The following SYNDIG1 variants were observed in gnomAD, a reference collection of about 807,000 sequenced individuals.
SYNDIG1 encodes synapse differentiation-inducing gene protein 1.
A neutral mutation model predicts 19.4 loss-of-function variants in SYNDIG1; 9 were observed. That is an observed-to-expected ratio of 0.46 (90% CI 0.28 to 0.81). The LOEUF (loss-of-function observed/expected upper bound fraction) is 0.81. Ranked by LOEUF, SYNDIG1 falls within the 30% of genes least tolerant of loss-of-function variation. The probability of loss-of-function intolerance (pLI) is 0.12; values close to 1 mark genes in which losing one functional copy is unlikely to be tolerated. For synonymous variants in SYNDIG1, 141 were observed against 145.9 expected, an observed-to-expected ratio of 0.97 and a Z score of 0.24; for missense variants, 311 against 343.3, an observed-to-expected ratio of 0.91 and a Z score of 0.74.
intron 3 of SYNDIG1, among the ~76,000 whole-genome samples, chr20:24,612,095 G>A (rs754565322): frequency 6.6e-5 from 10 of 152,212 alleles, no homozygotes; most frequent in Admixed American, 2.0e-4. Flanking sequence ...AAGGTTCTGC[G>A]TGATTAGAGG....
Position 24,658,945 on chromosome 20 carries a change from G to A in SYNDIG1, c.619-6401G>A, listed in dbSNP as rs150867784. Reference sequence around the variant, plus strand: ...TGTAGACGCAGCAAGTGGCACAGCCGAGCAGCATCTCCATCCCCAGGAGCT... The same window carrying A: ...TGTAGACGCAGCAAGTGGCACAGCCAAGCAGCATCTCCATCCCCAGGAGCT... On this transcript the variant is annotated intron_variant, in intron 3 of 3. Coordinates refer to ENST00000376862, the MANE Select transcript of SYNDIG1 (RefSeq NM_024893.3). This position sits in a 1 kb window ranked among gnomAD's most constrained non-coding sequence, Gnocchi z 4.4. Among the ~76,000 whole-genome samples, 7 of 152,106 alleles carry A rather than the reference G, an allele frequency of 4.6e-5. No homozygotes were observed. Among genetic ancestry groups the A allele is most frequent in the Admixed American group, 2.0e-4 (3 of 15,294 alleles).
At chr20:24,625,384 A>T (rs943441425) in intron 3 of SYNDIG1, among the ~76,000 whole-genome samples, 26 of 115,264 alleles carry the variant, frequency 2.3e-4, no homozygotes, top group Admixed American at 1.2e-3. Context: ...TGCCTGGGAC[A>T]TTTTTTTTTT....
chr20:24,487,914 T>C (rs1600407506), intron 1 of SYNDIG1, among the ~76,000 whole-genome samples: 1 of 152,290 alleles, frequency 6.6e-6, no homozygotes, highest in East Asian at 1.9e-4. Flanking sequence ...AGCCAGCAGC[T>C]GTCCAAACAT....
rs548640568 is a variant in SYNDIG1 at position 24,513,413 on chromosome 20, T to G, written c.-78-29607T>G. 3.6e-4 allele frequency among the ~76,000 whole-genome samples: 55 copies of G among 152,114 alleles called. 1 individual carries two copies. Among genetic ancestry groups the G allele is most frequent in the South Asian group, 3.1e-3 (15 of 4,802 alleles). The stretch of plus-strand genomic sequence containing the variant: ...CTGAATGGCTAACTAGAATAACCAG[T>G]GTAGAGAAGCCCTTAAATGACCTGA... On this transcript the variant is annotated intron_variant, in intron 1 of 3. Coordinates refer to ENST00000376862, the MANE Select transcript of SYNDIG1 (RefSeq NM_024893.3).
At chr20:24,556,738 A>G (rs2057828304) in intron 2 of SYNDIG1, among the ~76,000 whole-genome samples, 1 of 151,920 alleles carries the variant, frequency 6.6e-6, no homozygotes, top group South Asian at 2.1e-4. Flanking sequence ...TGCCCTTAAC[A>G]TTTTTTCCTT....
At chr20:24,508,218 ATTTTTTTTTTT>A (rs34436263) in intron 1 of SYNDIG1, among the ~76,000 whole-genome samples, 10 of 73,236 alleles carry the variant, frequency 1.4e-4, no homozygotes, top group African/African-American at 3.6e-4. Flanking sequence ...AAGGAGGATA[ATTTTTTTTTTT>A]TTTTTTTTTT....
chr20:24,550,512 CTT>C (rs10597680), intron 2 of SYNDIG1, among the ~76,000 whole-genome samples: 83,415 of 139,668 alleles, frequency 0.6, 24,672 homozygotes, highest in African/African-American at 0.71. Context: ...ACGTTAACTG[CTT>C]TTTTTTTTTT....
chr20:24,623,846 AG>A (rs1246539736), intron 3 of SYNDIG1, among the ~76,000 whole-genome samples: 1 of 152,204 alleles, frequency 6.6e-6, no homozygotes, highest in Non-Finnish European at 1.5e-5. Context: ...TCTGAAAAAG[AG>A]GGGGAAAAAA....
At chr20:24,490,344 C>T (rs549357475) in intron 1 of SYNDIG1, among the ~76,000 whole-genome samples, 10 of 152,262 alleles carry the variant, frequency 6.6e-5, no homozygotes, top group African/African-American at 2.4e-4. Flanking sequence ...GCCTATGAGC[C>T]CATGAGGATG....
intron 2 of SYNDIG1, among the ~76,000 whole-genome samples, chr20:24,551,450 A>G (rs574358391): frequency 2.0e-5 from 3 of 151,672 alleles, no homozygotes; most frequent in African/African-American, 7.3e-5. Flanking sequence ...GGTTCCATTG[A>G]TTTTTCTCTC....
intron 2 of SYNDIG1, 21 bp from the exon 3 acceptor site, chr20:24,584,835 C>T (rs2058387691): frequency 6.2e-7 from 1 of 1,614,042 alleles, no homozygotes; most frequent in Middle Eastern, 1.6e-4. Context: ...CCTGTCCTGT[C>T]CTGCTGGTTC....
chr20:24,474,825 C>T (rs531995479), intron 1 of SYNDIG1, among the ~76,000 whole-genome samples: 1 of 152,342 alleles, frequency 6.6e-6, no homozygotes, highest in East Asian at 1.9e-4. Context: ...CCCGCTTTCA[C>T]ACGTTACCTC....
rs533057711 is a variant in SYNDIG1 at position 24,493,569 on chromosome 20, A to T, written c.-79+23816A>T. The stretch of plus-strand genomic sequence containing the variant: ...ATTTGTTTTAACTACATCTTCCCCA[A>T]TATTAAATATCCTTGAAGGTTTTGA... On this transcript the variant is annotated intron_variant, in intron 1 of 3. Transcript: ENST00000376862. 2.1e-3 allele frequency among the ~76,000 whole-genome samples: 319 copies of T among 152,354 alleles called. 1 individual carries two copies. The highest frequency in any genetic ancestry group is 1.4e-3 in the Non-Finnish European group (97 of 68,038).
At chr20:24,547,862 G>T (rs1335621193) in intron 2 of SYNDIG1, among the ~76,000 whole-genome samples, 5 of 152,190 alleles carry the variant, frequency 3.3e-5, no homozygotes, top group African/African-American at 1.2e-4. Flanking sequence ...TGGAGTCCAG[G>T]TGCAGAGGCC....
intron 1 of SYNDIG1, among the ~76,000 whole-genome samples, chr20:24,516,212 C>G (rs1045419946): frequency 6.6e-6 from 1 of 152,010 alleles, no homozygotes; most frequent in Non-Finnish European, 1.5e-5. Flanking sequence ...AATGCTAGAC[C>G]GAAAACCATA....
chr20:24,507,273 G>A (rs2056616463), intron 1 of SYNDIG1, among the ~76,000 whole-genome samples: 1 of 152,252 alleles, frequency 6.6e-6, no homozygotes, highest in Non-Finnish European at 1.5e-5. Context: ...CTGCCTGCTG[G>A]CCAGAGGATG....
chr20:24,562,049 TTA>T (rs2057956392), intron 2 of SYNDIG1, among the ~76,000 whole-genome samples: 1 of 151,976 alleles, frequency 6.6e-6, no homozygotes, highest in Non-Finnish European at 1.5e-5. Flanking sequence ...TGCATCTCAT[TTA>T]TTCCAGATTC....
intron 1 of SYNDIG1, among the ~76,000 whole-genome samples, chr20:24,507,778 C>A (rs768073688): frequency 1.3e-5 from 2 of 152,230 alleles, no homozygotes; most frequent in Non-Finnish European, 2.9e-5. Flanking sequence ...GCAGCAGGGG[C>A]CTCCTGCGGC....
chr20:24,579,098 G>C (rs2058280517), intron 2 of SYNDIG1, among the ~76,000 whole-genome samples: 1 of 152,214 alleles, frequency 6.6e-6, no homozygotes, highest in South Asian at 2.1e-4. Context: ...TTAACATCAA[G>C]AGAAAAGGGA....
Sources: gnomAD v4.1 joint callset for allele counts (sites outside exome capture counted in the v4.1 genomes callset) on GRCh38, gnomAD v4.1.1 for gene constraint, Gnocchi (gnomAD v3.1) non-coding constraint, MANE v1.5 for transcripts, NCBI Gene and HGNC (gene_info 2026-07-23, HGNC 2026-07-21) for gene names.